Variants in RANBP2 observed in about 807,000 individuals in gnomAD.
RANBP2 encodes the protein E3 SUMO-protein ligase RanBP2.
A neutral mutation model predicts 303.6 loss-of-function variants in RANBP2; 57 were observed. That is an observed-to-expected ratio of 0.19 (90% confidence interval 0.15 to 0.23). The LOEUF (loss-of-function observed/expected upper bound fraction) is 0.23. Among genes scored for constraint, RANBP2 ranks in the 10% least tolerant of loss-of-function variants. RANBP2 has a pLI of 1.00. For missense variants in RANBP2, 3,138 were observed against 3,780.8 expected, an observed-to-expected ratio of 0.83 and a Z score of 4.46; for synonymous variants, 1,167 against 1,301.5, an observed-to-expected ratio of 0.90 and a Z score of 2.23.
the RANBP2 span, among the ~76,000 whole-genome samples, chr2:109,389,003 G>T: frequency 6.6e-6 from 1 of 152,170 alleles, no homozygotes; most frequent in African/African-American, 2.4e-5. Context: ...ACAGCCCAAT[G>T]CACCATCCCT....
chr2:108,804,738 A>G, the RANBP2 span: 71 of 527,214 alleles, frequency 1.3e-4, no homozygotes, highest in Middle Eastern at 2.6e-3. Flanking sequence ...TTTATAAATT[A>G]CTTGCCACAC....
At chr2:109,449,019 C>A in the RANBP2 span, 1 of 887,706 alleles carries the variant, frequency 1.1e-6, no homozygotes, top group Non-Finnish European at 1.7e-6. Flanking sequence ...GTTTCTCCAT[C>A]TGTGAAGAGG....
the RANBP2 span, among the ~76,000 whole-genome samples, chr2:109,193,521 A>G: frequency 6.6e-6 from 1 of 152,076 alleles, no homozygotes; most frequent in East Asian, 1.9e-4. Context: ...CGGCCTTTTT[A>G]TATCTGGCTT....
the RANBP2 span, among the ~76,000 whole-genome samples, chr2:109,357,456 C>T: frequency 6.6e-6 from 1 of 152,246 alleles, no homozygotes; most frequent in East Asian, 1.9e-4. Context: ...GCTGGGATTA[C>T]AGGCGTGAGC....
the RANBP2 span, among the ~76,000 whole-genome samples, chr2:109,229,882 T>C: frequency 6.6e-6 from 1 of 150,442 alleles, no homozygotes; most frequent in African/African-American, 2.4e-5. Context: ...TGGAGTGCAG[T>C]GGCGCAATCT....
chr2:109,082,872 C>T, the RANBP2 span, among the ~76,000 whole-genome samples: 2 of 147,714 alleles, frequency 1.4e-5, no homozygotes, highest in Non-Finnish European at 3.0e-5. Flanking sequence ...GTCTCCCAGG[C>T]TGGAGTGCAG....
At chr2:109,193,047 G>T in the RANBP2 span, among the ~76,000 whole-genome samples, 1 of 152,186 alleles carries the variant, frequency 6.6e-6, no homozygotes, top group African/African-American at 2.4e-5. Context: ...ATGTCAATGT[G>T]CCAAGAAATT....
chr2:109,629,192 A>G, the RANBP2 span, among the ~76,000 whole-genome samples: 1 of 133,228 alleles, frequency 7.5e-6, no homozygotes, highest in African/African-American at 2.9e-5. Context: ...ACAGAGCAAG[A>G]CTCCGTCTCA....
At chr2:109,246,913 C>A in the RANBP2 span, among the ~76,000 whole-genome samples, 2 of 152,172 alleles carry the variant, frequency 1.3e-5, no homozygotes. Context: ...TGACTCAGGG[C>A]TCCAGGCCAA....
the RANBP2 span, among the ~76,000 whole-genome samples, chr2:108,975,010 A>G: frequency 6.6e-6 from 1 of 152,200 alleles, no homozygotes; most frequent in African/African-American, 2.4e-5. Flanking sequence ...AAGTCCCCTC[A>G]GCAAGCACTG....
the RANBP2 span, among the ~76,000 whole-genome samples, chr2:109,384,053 T>A: frequency 6.6e-6 from 1 of 152,184 alleles, no homozygotes; most frequent in African/African-American, 2.4e-5. Flanking sequence ...GACCACTTGC[T>A]CCTCCCACCC....
At chr2:108,769,117 A>G (rs1677316226) in intron 20 of RANBP2, 1 of 776,294 alleles carries the variant, frequency 1.3e-6, no homozygotes, top group Admixed American at 6.3e-5. Context: ...AAATGAGCAA[A>G]GAATGAAACT....
At chr2:109,536,179 C>G in the RANBP2 span, among the ~76,000 whole-genome samples, 1 of 152,140 alleles carries the variant, frequency 6.6e-6, no homozygotes, top group African/African-American at 2.4e-5. Flanking sequence ...CCACCATCCT[C>G]CAGACCCCAG....
At chr2:108,860,895 C>T in the RANBP2 span, among the ~76,000 whole-genome samples, 9 of 128,744 alleles carry the variant, frequency 7.0e-5, no homozygotes, top group African/African-American at 2.6e-4. Context: ...CTTCTTTGTT[C>T]ATCTGGTAGA....
the RANBP2 span, among the ~76,000 whole-genome samples, chr2:109,542,109 A>G: frequency 1.3e-5 from 2 of 152,344 alleles, no homozygotes; most frequent in East Asian, 1.9e-4. Context: ...AATTTTTAAC[A>G]AAACATGACT....
chr2:108,719,946 G>A (rs1694092108), intron 1 of RANBP2: 2 of 985,422 alleles, frequency 2.0e-6, no homozygotes, highest in South Asian at 4.7e-5. Context: ...GCTCGCTCCT[G>A]GGGCCGCCCT....
the RANBP2 span, among the ~76,000 whole-genome samples, chr2:109,266,877 C>T: frequency 6.6e-6 from 1 of 152,112 alleles, no homozygotes; most frequent in Non-Finnish European, 1.5e-5. Flanking sequence ...TGCTGCAGAC[C>T]GCCTCCCACT....
chr2:109,123,227 G>A, the RANBP2 span, among the ~76,000 whole-genome samples: 2 of 152,130 alleles, frequency 1.3e-5, no homozygotes, highest in African/African-American at 4.8e-5. Context: ...GTGCTAACTA[G>A]ACAGGTGCCC....
At chr2:109,369,868 C>G in the RANBP2 span, among the ~76,000 whole-genome samples, 24 of 152,312 alleles carry the variant, frequency 1.6e-4, no homozygotes, top group African/African-American at 5.1e-4. Context: ...CCCTCTGACC[C>G]CAAAAGAGGC....
Sources: gnomAD v4.1 joint callset for allele counts (sites outside exome capture counted in the v4.1 genomes callset) on GRCh38, gnomAD v4.1.1 for gene constraint, MANE v1.5 for transcripts, NCBI Gene and HGNC (gene_info 2026-07-23, HGNC 2026-07-21) for gene names.